CNDP2: variants seen among roughly 807,000 people sequenced by gnomAD.
The protein encoded by CNDP2 is cytosolic non-specific dipeptidase.
Under a neutral mutation model 55.0 loss-of-function variants are expected in CNDP2, and 38 were observed. The observed-to-expected ratio is 0.69, with a 90% CI of 0.53 to 0.90. The LOEUF is 0.90. Ranked by LOEUF, CNDP2 falls within the 40% of genes least tolerant of loss-of-function variation. The pLI, the probability that CNDP2 is intolerant of heterozygous loss-of-function variation, is 0.00. For synonymous variants in CNDP2, 241 were observed against 260.2 expected, an observed-to-expected ratio of 0.93 and a Z score of 0.71; for missense variants, 607 against 621.7, an observed-to-expected ratio of 0.98 and a Z score of 0.25.
chr18:74,515,284 T>C (rs933337529), intron 8 of CNDP2, among the ~76,000 whole-genome samples: 12 of 152,134 alleles, frequency 7.9e-5, no homozygotes, highest in African/African-American at 2.4e-4. Flanking sequence ...CGTTAGGCTG[T>C]TGCAGGCACG....
chr18:74,513,532 G>T (rs376784824), intron 7 of CNDP2, 27 bp from the exon 8 acceptor site: 315 of 1,598,762 alleles, frequency 2.0e-4, no homozygotes, highest in Non-Finnish European at 2.5e-4. Context: ...TCCCCTGAGT[G>T]CTGTAACCCT....
At chr18:74,502,099 T>C (rs1978737404) in intron 3 of CNDP2, among the ~76,000 whole-genome samples, 1 of 152,184 alleles carries the variant, frequency 6.6e-6, no homozygotes, top group Non-Finnish European at 1.5e-5. Context: ...TTGGCCAGGC[T>C]GGTCTCGAAC....
intron 8 of CNDP2, among the ~76,000 whole-genome samples, chr18:74,514,511 G>A (rs950825430): frequency 1.4e-5 from 2 of 141,328 alleles, no homozygotes; most frequent in African/African-American, 5.3e-5. Flanking sequence ...GTGGGCTTAC[G>A]TGGTACGTAT....
rs112568724 is a variant in CNDP2, at chr18:74,513,135, C to T, written c.743-424C>T. 2.6e-5 allele frequency among the ~76,000 whole-genome samples: 4 copies of T among 152,332 alleles called. 1 individual carries two copies. The highest frequency in any genetic ancestry group is 7.2e-5 in the African/African-American group (3 of 41,580). ...GGAGCAGCTTGTTTCTTGTGGAATG[C>T]GCATTAAAAAGGCACATGGGGCAGT... On this transcript the variant is annotated intron_variant, in intron 7 of 11. Transcript: ENST00000324262.
rs967864814 is a variant in CNDP2, at chr18:74,523,343, C to T, written c.*3275C>T. On this transcript the variant is annotated 3_prime_UTR_variant, in exon 12 of 12. Coordinates refer to ENST00000324262, the MANE Select transcript of CNDP2 (RefSeq NM_018235.3). ...AGAGGTTATGAAGACAGAAATGACC[C>T]TGTGACCCCTTTGCAAAGTATGAAG... 4 of 152,200 alleles carry T rather than the reference C, an allele frequency of 2.6e-5. No homozygotes were observed. The East Asian group carries it at 7.7e-4, about 29-fold the overall frequency. The allele number at this position is 152,200 out of a possible 1,614,324, so 9.4% of individuals were successfully genotyped here.
In CNDP2 at chr18:74,520,420, C is replaced by A; in HGVS notation, c.*352C>A. The A allele has an allele frequency of 4.2e-6, 1 of 238,000 alleles. No homozygotes were observed. The highest frequency in any genetic ancestry group is 8.3e-6 in the Non-Finnish European group (1 of 120,524). 14.7% of individuals were successfully genotyped at this position (238,000 alleles called of 1,614,324 possible). On this transcript the variant is annotated 3_prime_UTR_variant, in exon 12 of 12. Coordinates refer to ENST00000324262, the MANE Select transcript of CNDP2 (RefSeq NM_018235.3). ...CCTATAATCGAGCACTTTGGGAGGCCAAGACAGGAGGATCACTTGAGGCCA... is the reference window on the plus strand; with the variant it reads ...CCTATAATCGAGCACTTTGGGAGGCAAAGACAGGAGGATCACTTGAGGCCA...
At chr18:74,513,477 T>G (rs1979469540) in intron 7 of CNDP2, 82 bp from the exon 8 acceptor site, 2 of 1,423,588 alleles carry the variant, frequency 1.4e-6, no homozygotes, top group African/African-American at 1.4e-5. Context: ...TGAGCCTGGC[T>G]TCCTGGGGTC....
At chr18:74,515,439 C>A (rs1979613177) in intron 8 of CNDP2, among the ~76,000 whole-genome samples, 1 of 152,032 alleles carries the variant, frequency 6.6e-6, no homozygotes, top group Non-Finnish European at 1.5e-5. Context: ...TTTCTCCTGC[C>A]CTGACCCTCA....
intron 3 of CNDP2, among the ~76,000 whole-genome samples, chr18:74,503,175 A>G (rs1207593767): frequency 1.3e-5 from 2 of 151,772 alleles, no homozygotes; most frequent in Non-Finnish European, 2.9e-5. Context: ...GATCACTGAC[A>G]TTGCTGTGCA....
At chr18:74,509,925 G>C (rs8083972) in intron 5 of CNDP2, among the ~76,000 whole-genome samples, 66,414 of 152,080 alleles carry the variant, frequency 0.44, 14,818 homozygotes, top group East Asian at 0.68. Context: ...TGGTCCGGGG[G>C]ATTACTTTAC....
Position 74,499,990 on chromosome 18 carries a change from C to T in CNDP2, c.17C>T (p.Thr6Ile). Residue 6 changes from threonine to isoleucine, a missense_variant, in exon 2 of 12, where the codon ACC becomes ATC. By Grantham distance (89) the Thr-to-Ile change is moderately conservative (BLOSUM62 -1). Coordinates refer to ENST00000324262, the MANE Select transcript of CNDP2 (RefSeq NM_018235.3). MAALTTLFKYIDENQD... is the reference protein window; with the variant it reads MAALTILFKYIDENQD... ...GGTTGAAAGATGGCGGCCCTCACTA[C>T]CCTGTTTAAGTACATAGATGAAAAT... 6.2e-7 allele frequency: 1 copy of T among 1,614,074 alleles called. No individual in the cohort carries two copies. Among genetic ancestry groups the T allele is most frequent in the Non-Finnish European group, 8.5e-7 (1 of 1,180,002 alleles).
chr18:74,508,651 T>G (rs1006867122), intron 4 of CNDP2, 189 bp from the exon 5 acceptor site: 2 of 572,182 alleles, frequency 3.5e-6, no homozygotes, highest in African/African-American at 3.7e-5. Flanking sequence ...GTGGCTTATC[T>G]CTTTGATGAT....
At chr18:74,497,976 G>C (rs1978499301) in intron 1 of CNDP2, 1 of 152,188 alleles carries the variant, frequency 6.6e-6, no homozygotes, top group South Asian at 2.1e-4. Context: ...AAGTGAAACA[G>C]GAGTAACCCA....
rs756878229 is a variant in CNDP2, at chr18:74,513,674, G to C, written c.858G>C (p.Glu286Asp). 1 of 1,614,086 alleles carries C rather than the reference G, an allele frequency of 6.2e-7. No homozygotes were observed. The highest frequency in any genetic ancestry group is 1.7e-5 in the Admixed American group (1 of 60,026). ...LYDDIDFDIE[E>D]FAKDVGAQIL... ...ACGACATCGACTTTGACATAGAGGA[G>C]TTTGCCAAGGATGTGGGGGCGCAGA... The change falls in exon 8 of 12, where the codon GAG (glutamate) becomes GAC (aspartate). Residue 286 changes from glutamate (E) to aspartate (D), a missense_variant. Coordinates refer to ENST00000324262, the MANE Select transcript of CNDP2 (RefSeq NM_018235.3).
Position 74,518,583 on chromosome 18 carries a change from T to C in CNDP2, c.1153T>C (p.Trp385Arg), listed in dbSNP as rs748982812. 6.2e-7 allele frequency: 1 copy of C among 1,614,204 alleles called. No homozygotes were observed. The highest frequency in any genetic ancestry group is 1.1e-5 in the South Asian group (1 of 91,086). ...GTACATGGGCCACGGTGGGAAGCCC[T>C]GGGTCTCCGACTTCAGTCACCCTCA... The part of the protein sequence containing the change: ...KVYMGHGGKP[W>R]VSDFSHPHYL... The change falls in exon 10 of 12, where the codon TGG becomes CGG. Residue 385 changes from tryptophan to arginine, a missense_variant. Physicochemically the swap from Trp to Arg is moderately radical, Grantham distance 101 (BLOSUM62 -3). Transcript: ENST00000324262.
chr18:74,505,041 T>C (rs1215913273), intron 3 of CNDP2: 2 of 152,188 alleles, frequency 1.3e-5, no homozygotes, highest in Non-Finnish European at 2.9e-5. Context: ...GGGACAAAGC[T>C]CAGAAGGCGT....
At chr18:74,508,706 G>T in intron 4 of CNDP2, 134 bp from the exon 5 acceptor site, 1 of 663,248 alleles carries the variant, frequency 1.5e-6, no homozygotes. Flanking sequence ...GGTGGAAATT[G>T]GGGGCTCCTG....
chr18:74,516,306 G>T lies in CNDP2; in HGVS notation c.982G>T (p.Ala328Ser). The change falls in exon 9 of 12, where the codon GCC (alanine) becomes TCC (serine). Residue 328 changes from alanine to serine, a missense_variant. Transcript: ENST00000324262. Reference sequence around the variant, plus strand: ...CGAAGGCGCCTTCTCTGGGTCTGGGGCCAAGACCGTGATTCCCAGGAAGGT... The same window carrying T: ...CGAAGGCGCCTTCTCTGGGTCTGGGTCCAAGACCGTGATTCCCAGGAAGGT... Reference protein sequence around the residue: ...GIEGAFSGSGAKTVIPRKVVG... With the variant: ...GIEGAFSGSGSKTVIPRKVVG... The T allele has an allele frequency of 1.9e-6, 3 of 1,614,144 alleles. No individual in the cohort carries two copies. Among genetic ancestry groups the T allele is most frequent in the Non-Finnish European group, 2.5e-6 (3 of 1,180,020 alleles).
At position 74,504,801 on chromosome 18, in the gene CNDP2, G is replaced by A. The variant is rs1978917583; in HGVS notation, c.205-1048G>A. On this transcript the variant is annotated intron_variant, in intron 3 of 11. Coordinates refer to ENST00000324262, the MANE Select transcript of CNDP2 (RefSeq NM_018235.3). The stretch of plus-strand genomic sequence containing the variant: ...CTTGTGACACTTTGTGATGATCATG[G>A]GGTATTTTCCTATTGGAATATAGGC... The A allele has an allele frequency of 2.6e-5, 4 of 152,154 alleles. No individual in the cohort carries two copies. The South Asian group carries it at 8.3e-4, about 32-fold the overall frequency. The allele number at this position is 152,154 out of a possible 1,614,324, so 9.4% of individuals were successfully genotyped here.
Sources: gnomAD v4.1 joint callset for allele counts (sites outside exome capture counted in the v4.1 genomes callset) on GRCh38, gnomAD v4.1.1 for gene constraint, MANE v1.5 for transcripts, NCBI Gene and HGNC (gene_info 2026-07-23, HGNC 2026-07-21) for gene names.